C16orf78: variants seen among roughly 807,000 people sequenced by gnomAD.
C16orf78 encodes the protein uncharacterized protein C16orf78.
A neutral mutation model predicts 27.3 loss-of-function variants in C16orf78; 19 were observed. That is an observed-to-expected ratio of 0.70 (90% CI 0.49 to 1.02). C16orf78 has a LOEUF of 1.02. C16orf78 is among the 50% of genes least tolerant of loss of function. The pLI, the probability that C16orf78 is intolerant of heterozygous loss-of-function variation, is 0.00. For synonymous variants in C16orf78, 130 were observed against 116.1 expected, an observed-to-expected ratio of 1.12 and a Z score of -0.77; for missense variants, 339 against 337.0, an observed-to-expected ratio of 1.01 and a Z score of -0.05.
intron 3 of C16orf78, among the ~76,000 whole-genome samples, chr16:49,382,755 C>T (rs1476651346): frequency 6.6e-6 from 1 of 152,084 alleles, no homozygotes; most frequent in Non-Finnish European, 1.5e-5. Flanking sequence ...CTTTCCTCAC[C>T]CGAGTCCTGG....
At position 49,397,965 on chromosome 16, in the gene C16orf78, C is replaced by T. The variant is rs545657637; in HGVS notation, c.651-1166C>T. ...ATTTTTAGTAGAGATGGGGTTTTGCCATGTTTCCCAGGCTGGTCTTGAACT... is the reference window on the plus strand; with the variant it reads ...ATTTTTAGTAGAGATGGGGTTTTGCTATGTTTCCCAGGCTGGTCTTGAACT... On this transcript the variant is annotated intron_variant, in intron 4 of 4. Coordinates refer to ENST00000299191, the MANE Select transcript of C16orf78 (RefSeq NM_144602.4). Among the ~76,000 whole-genome samples, 31 of 152,206 alleles carry T rather than the reference C, an allele frequency of 2.0e-4. No individual in the cohort carries two copies. The East Asian group carries it at 5.6e-3, about 28-fold the overall frequency.
chr16:49,374,414 C>T (rs1965190967), intron 1 of C16orf78, among the ~76,000 whole-genome samples: 1 of 152,164 alleles, frequency 6.6e-6, no homozygotes, highest in Non-Finnish European at 1.5e-5. Context: ...GATTGTAAAA[C>T]TAGCAAGAGA....
chr16:49,379,142 T>A (rs1189213821), intron 3 of C16orf78, among the ~76,000 whole-genome samples: 2 of 152,096 alleles, frequency 1.3e-5, no homozygotes, highest in East Asian at 1.9e-4. Flanking sequence ...GGAGTCTGGT[T>A]TTTCATCTAT....
Position 49,396,678 on chromosome 16 carries a change from G to C in C16orf78, c.650G>C (p.Arg217Pro), listed in dbSNP as rs147852211. 1 of 1,605,208 alleles carries C rather than the reference G, an allele frequency of 6.2e-7. No homozygotes were observed. Among genetic ancestry groups the C allele is most frequent in the East Asian group, 2.2e-5 (1 of 44,870 alleles). The change falls in exon 4 of 5, where the codon CGA becomes CCA. Residue 217 changes from arginine to proline, a missense_variant and splice_region_variant. By Grantham distance (103) the Arg-to-Pro change is moderately radical. Transcript: ENST00000299191. The part of the protein sequence containing the change: ...MLKPEEVLSC[R>P]YLRLSKENIR... ...AAGCCAGAGGAGGTGCTGAGCTGCC[G>C]GTGAGAGCTGCCACCCCCTGGGCAG...
intron 3 of C16orf78, among the ~76,000 whole-genome samples, chr16:49,393,546 C>CG (rs767126431): frequency 6.6e-6 from 1 of 151,902 alleles, no homozygotes; most frequent in Non-Finnish European, 1.5e-5. Flanking sequence ...AAATAAATAA[C>CG]GAAATAAGCC....
chr16:49,378,833 C>T (rs974622893), intron 3 of C16orf78, among the ~76,000 whole-genome samples: 3 of 152,150 alleles, frequency 2.0e-5, no homozygotes, highest in African/African-American at 7.2e-5. Flanking sequence ...TGCCCCATCT[C>T]GAGTGTTCCC....
rs547715915 is a variant in C16orf78 at position 49,378,579 on chromosome 16, G to T, written c.380G>T (p.Gly127Val). The change falls in exon 3 of 5, where the codon GGC (glycine) becomes GTC (valine). Residue 127 changes from glycine to valine, a missense_variant. Gly to Val is a moderately radical substitution (Grantham distance 109). Transcript: ENST00000299191. ...GTCCCTGGCAGCTACATCAAGGATGGCCCCAAGAAATCTGGTAAGGGAAAA... is the reference window on the plus strand; with the variant it reads ...GTCCCTGGCAGCTACATCAAGGATGTCCCCAAGAAATCTGGTAAGGGAAAA... ...SMVPGSYIKD[G>V]PKKSDTDIKD... 10 of 1,613,878 alleles carry T rather than the reference G, an allele frequency of 6.2e-6. No individual in the cohort carries two copies. In the South Asian group the frequency reaches 8.8e-5, roughly 14 times the overall value.
chr16:49,381,540 T>C (rs1226481524), intron 3 of C16orf78, among the ~76,000 whole-genome samples: 1 of 151,818 alleles, frequency 6.6e-6, no homozygotes, highest in Non-Finnish European at 1.5e-5. Flanking sequence ...ATATCCAGAA[T>C]CTACAATGAA....
intron 3 of C16orf78, among the ~76,000 whole-genome samples, chr16:49,387,244 T>C (rs1164256948): frequency 6.6e-6 from 1 of 152,128 alleles, no homozygotes; most frequent in East Asian, 1.9e-4. Context: ...TGCATGTATG[T>C]ATGTCTTCTT....
intron 1 of C16orf78, among the ~76,000 whole-genome samples, chr16:49,376,812 C>T (rs1378700757): frequency 6.6e-6 from 1 of 152,156 alleles, no homozygotes; most frequent in African/African-American, 2.4e-5. Context: ...AACTAAGCCA[C>T]AGAGAGAGCA....
At position 49,396,543 on chromosome 16, in the gene C16orf78, C is replaced by T; in HGVS notation, c.515C>T (p.Thr172Ile). 6.2e-7 allele frequency: 1 copy of T among 1,610,796 alleles called. No homozygotes were observed. The highest frequency in any genetic ancestry group is 1.1e-5 in the South Asian group (1 of 91,084). The change falls in exon 4 of 5, where the codon ACC (threonine) becomes ATC (isoleucine). Residue 172 changes from threonine to isoleucine, a missense_variant. Coordinates refer to ENST00000299191, the MANE Select transcript of C16orf78 (RefSeq NM_144602.4). ...QEGTFNSQRA[T>I]FIRDWSNKMP... ...GGTACCTTTAACAGCCAGAGGGCAA[C>T]CTTCATAAGAGACTGGTCCAACAAG... is the stretch of plus-strand genomic sequence containing the variant.
At chr16:49,399,019 C>A in intron 4 of C16orf78, 112 bp from the exon 5 acceptor site, 2 of 1,172,636 alleles carry the variant, frequency 1.7e-6, no homozygotes, top group Non-Finnish European at 1.2e-6. Context: ...GAGAGACAGC[C>A]CCTTGCAGAG....
intron 1 of C16orf78, 60 bp from the exon 2 acceptor site, chr16:49,377,671 A>T: frequency 6.4e-7 from 1 of 1,564,846 alleles, no homozygotes; most frequent in South Asian, 1.2e-5. Flanking sequence ...CCTTGGGGAA[A>T]GGGAGGGGAT....
At position 49,373,843 on chromosome 16, in the gene C16orf78, C is replaced by T. The variant is rs1185787089; in HGVS notation, c.-97C>T. The T allele has an allele frequency of 3.2e-5, 47 of 1,474,932 alleles. No individual in the cohort carries two copies. Among genetic ancestry groups the T allele is most frequent in the Non-Finnish European group, 4.4e-5 (47 of 1,075,704 alleles). The allele number at this position is 1,474,932 out of a possible 1,614,324, so 91.4% of individuals were successfully genotyped here. On this transcript the variant is annotated 5_prime_UTR_variant, in exon 1 of 5. Transcript: ENST00000299191. ...GTTCACATCTGGAGGCCACACCCTACCTTCTAAGTCACCAGGCCATCAAGT... is the reference window on the plus strand; with the variant it reads ...GTTCACATCTGGAGGCCACACCCTATCTTCTAAGTCACCAGGCCATCAAGT...
At chr16:49,382,922 TAAAC>T (rs1457589950) in intron 3 of C16orf78, among the ~76,000 whole-genome samples, 2 of 152,224 alleles carry the variant, frequency 1.3e-5, no homozygotes, top group African/African-American at 2.4e-5. Flanking sequence ...GACATTTTCT[TAAAC>T]AATTCACTCC....
intron 3 of C16orf78, among the ~76,000 whole-genome samples, chr16:49,390,939 C>T (rs1965405565): frequency 1.3e-5 from 2 of 152,196 alleles, no homozygotes. Flanking sequence ...TTTCTTTCCC[C>T]TCACTCAAGG....
At chr16:49,384,545 A>C (rs180963506) in intron 3 of C16orf78, among the ~76,000 whole-genome samples, 22 of 152,236 alleles carry the variant, frequency 1.4e-4, no homozygotes, top group Admixed American at 1.2e-3. Context: ...AAAGAAAGCC[A>C]ACAGACTTAT....
intron 3 of C16orf78, among the ~76,000 whole-genome samples, chr16:49,389,221 G>A (rs1352070099): frequency 1.3e-5 from 2 of 152,034 alleles, no homozygotes; most frequent in Admixed American, 6.6e-5. Context: ...TTAGGAGTTC[G>A]AGACCAGCTT....
chr16:49,374,637 C>T (rs1280247242), intron 1 of C16orf78, among the ~76,000 whole-genome samples: 1 of 152,190 alleles, frequency 6.6e-6, no homozygotes, highest in Non-Finnish European at 1.5e-5. Context: ...GGATGGGATC[C>T]TCCTACTGCC....
Sources: allele counts gnomAD v4.1 joint callset (sites outside exome capture counted in the v4.1 genomes callset), GRCh38; gene constraint gnomAD v4.1.1; transcripts MANE v1.5; gene names NCBI Gene and HGNC (gene_info 2026-07-23, HGNC 2026-07-21).